Variants in PCDH15 observed in about 807,000 individuals in gnomAD.
PCDH15 encodes the protein protocadherin related 15.
PCDH15 carries 129 observed loss-of-function variants against 178.5 expected under a neutral mutation model. The observed-to-expected ratio is 0.72, with a 90% CI of 0.63 to 0.84. The LOEUF is 0.84. PCDH15 is among the 40% of genes least tolerant of loss of function. PCDH15 has a pLI of 0.00. For missense variants in PCDH15, 2,230 were observed against 2,099.9 expected, an observed-to-expected ratio of 1.06 and a Z score of -1.21; for synonymous variants, 800 against 732.0, an observed-to-expected ratio of 1.09 and a Z score of -1.50.
chr10:54,309,871 T>C (rs2060795878), intron 8 of PCDH15, among the ~76,000 whole-genome samples: 1 of 151,934 alleles, frequency 6.6e-6, no homozygotes, highest in Non-Finnish European at 1.5e-5. Context: ...GACAAAGAAG[T>C]TTAAAGAATT....
chr10:55,599,416 G>A (rs547029826), intron 2 of PCDH15: 1 of 152,218 alleles, frequency 6.6e-6, no homozygotes, highest in South Asian at 2.1e-4. Context: ...GTCCTATAGA[G>A]AGTAAAAGAT....
intron 23 of PCDH15, among the ~76,000 whole-genome samples, chr10:53,954,309 A>G (rs2087391226): frequency 6.6e-6 from 1 of 152,154 alleles, no homozygotes; most frequent in African/African-American, 2.4e-5. Flanking sequence ...TTATTTTGCT[A>G]TTTTACAATT....
intron 2 of PCDH15, among the ~76,000 whole-genome samples, chr10:55,516,631 T>C (rs1429648177): frequency 6.6e-6 from 1 of 152,144 alleles, no homozygotes; most frequent in Non-Finnish European, 1.5e-5. Flanking sequence ...GTTGTTACTT[T>C]TTACCACCCA....
At chr10:54,989,245 A>T (rs1013391263) in intron 2 of PCDH15, among the ~76,000 whole-genome samples, 3 of 152,208 alleles carry the variant, frequency 2.0e-5, no homozygotes, top group Non-Finnish European at 4.4e-5. Context: ...AACCTCTGTT[A>T]GAGCAGTGTA....
chr10:54,067,572 A>G (rs1265997185), intron 17 of PCDH15, among the ~76,000 whole-genome samples: 2 of 152,152 alleles, frequency 1.3e-5, no homozygotes, highest in South Asian at 4.1e-4. Context: ...ATCAATGACT[A>G]TCTTCATAAG....
intron 2 of PCDH15, among the ~76,000 whole-genome samples, chr10:54,570,718 T>A (rs545955889): frequency 6.6e-6 from 1 of 152,106 alleles, no homozygotes; most frequent in Non-Finnish European, 1.5e-5. Context: ...AGTGGCGTGA[T>A]CTCCTCTCAC....
chr10:54,145,958 T>C (rs1419312977), intron 14 of PCDH15, among the ~76,000 whole-genome samples: 1 of 152,064 alleles, frequency 6.6e-6, no homozygotes, highest in African/African-American at 2.4e-5. Context: ...CTTGCCCAGG[T>C]AAAACTGCAC....
At chr10:55,362,440 C>A (rs1845253528) in intron 2 of PCDH15, among the ~76,000 whole-genome samples, 1 of 152,082 alleles carries the variant, frequency 6.6e-6, no homozygotes, top group African/African-American at 2.4e-5. Flanking sequence ...ATTGTGCCAG[C>A]TATTAAAGAG....
intron 17 of PCDH15, among the ~76,000 whole-genome samples, chr10:54,078,718 G>A (rs1161708498): frequency 6.6e-6 from 1 of 151,602 alleles, no homozygotes; most frequent in Non-Finnish European, 1.5e-5. Flanking sequence ...AAATAACACA[G>A]ACAAGTGATT....
intron 2 of PCDH15, among the ~76,000 whole-genome samples, chr10:55,547,170 C>G (rs1564447626): frequency 6.6e-6 from 1 of 152,056 alleles, no homozygotes; most frequent in Non-Finnish European, 1.5e-5. Flanking sequence ...GCAGCAGATC[C>G]CGAAGTTGCA....
intron 1 of PCDH15, among the ~76,000 whole-genome samples, chr10:55,223,572 T>A (rs1377593614): frequency 1.3e-5 from 2 of 152,144 alleles, no homozygotes; most frequent in Non-Finnish European, 2.9e-5. Flanking sequence ...GGCAACTTGA[T>A]ATATAGGAGG....
At chr10:53,914,571 A>C (rs1238948219) in intron 25 of PCDH15, among the ~76,000 whole-genome samples, 1 of 152,124 alleles carries the variant, frequency 6.6e-6, no homozygotes, top group Non-Finnish European at 1.5e-5. Flanking sequence ...CAATGAGAAC[A>C]CTTGGACACA....
At chr10:54,421,818 A>G (rs186448430) in intron 3 of PCDH15, among the ~76,000 whole-genome samples, 5,950 of 38,764 alleles carry the variant, frequency 0.15, 262 homozygotes, top group African/African-American at 0.27. Flanking sequence ...TAGTGTGTGT[A>G]TATATATATA....
intron 8 of PCDH15, among the ~76,000 whole-genome samples, chr10:54,280,502 G>T (rs927683361): frequency 6.6e-6 from 1 of 151,628 alleles, no homozygotes; most frequent in Non-Finnish European, 1.5e-5. Context: ...ATTGCTACAT[G>T]TTAGAATAAA....
At chr10:54,800,117 G>A (rs1295283445) in intron 1 of PCDH15, among the ~76,000 whole-genome samples, 6 of 152,068 alleles carry the variant, frequency 3.9e-5, no homozygotes, top group Non-Finnish European at 8.8e-5. Flanking sequence ...TTCTGCATAC[G>A]TGCTACAAGT....
intron 2 of PCDH15, among the ~76,000 whole-genome samples, chr10:55,033,818 C>G (rs1029410946): frequency 3.3e-5 from 5 of 151,958 alleles, no homozygotes; most frequent in Admixed American, 1.3e-4. Flanking sequence ...GTGTCCTCTC[C>G]GAAATTCAGG....
chr10:55,434,421 G>A (rs1422924108), intron 2 of PCDH15, among the ~76,000 whole-genome samples: 1 of 151,890 alleles, frequency 6.6e-6, no homozygotes, highest in Non-Finnish European at 1.5e-5. Context: ...TATTTATATT[G>A]AAATGAGTTT....
intron 2 of PCDH15, among the ~76,000 whole-genome samples, chr10:55,486,175 T>A (rs1230531486): frequency 2.0e-5 from 3 of 151,692 alleles, no homozygotes; most frequent in African/African-American, 7.2e-5. Flanking sequence ...ATGACGACCA[T>A]TTCTTGTGGG....
At chr10:54,633,229 A>T (rs2093752164) in intron 2 of PCDH15, among the ~76,000 whole-genome samples, 1 of 152,144 alleles carries the variant, frequency 6.6e-6, no homozygotes, top group Admixed American at 6.6e-5. Flanking sequence ...GTCAGGGAGC[A>T]AATTAAAGAG....
Sources: allele counts gnomAD v4.1 joint callset (sites outside exome capture counted in the v4.1 genomes callset), GRCh38; gene constraint gnomAD v4.1.1; transcripts MANE v1.5; gene names NCBI Gene and HGNC (gene_info 2026-07-23, HGNC 2026-07-21).